Variants in MAGI2 observed in about 807,000 individuals in gnomAD.
MAGI2 encodes the protein membrane associated guanylate kinase, WW and PDZ domain containing 2.
Under a neutral mutation model 133.3 loss-of-function variants are expected in MAGI2, and 35 were observed. That is an observed-to-expected ratio of 0.26 (90% CI 0.20 to 0.35). The LOEUF (loss-of-function observed/expected upper bound fraction) is 0.35. Ranked by LOEUF, MAGI2 falls within the 10% of genes least tolerant of loss-of-function variation. MAGI2 has a pLI of 1.00. For synonymous variants in MAGI2, 729 were observed against 710.6 expected, an observed-to-expected ratio of 1.03 and a Z score of -0.41; for missense variants, 1,636 against 1,863.4, an observed-to-expected ratio of 0.88 and a Z score of 2.25.
chr7:79,167,536 T>G (rs979108203), intron 1 of MAGI2, among the ~76,000 whole-genome samples: 4 of 152,034 alleles, frequency 2.6e-5, no homozygotes, highest in African/African-American at 9.7e-5. Context: ...AAGTGTTGCC[T>G]AAACATACTA....
At chr7:78,769,166 T>G (rs1001383933) in intron 2 of MAGI2, among the ~76,000 whole-genome samples, 1 of 152,142 alleles carries the variant, frequency 6.6e-6, no homozygotes, top group African/African-American at 2.4e-5. Flanking sequence ...TCTTTTTCCT[T>G]GCACAATGGA....
chr7:79,243,397 A>G (rs1484535855), intron 1 of MAGI2, among the ~76,000 whole-genome samples: 1 of 152,172 alleles, frequency 6.6e-6, no homozygotes, highest in Non-Finnish European at 1.5e-5. Context: ...ACGCTTTCAG[A>G]AGCACTTGAT....
chr7:78,518,678 T>TA (rs1439365496), intron 4 of MAGI2: 1 of 152,218 alleles, frequency 6.6e-6, no homozygotes, highest in African/African-American at 2.4e-5. Context: ...ATTATTACTA[T>TA]AGTTAGTTGA....
At chr7:78,670,410 T>G (rs1354181975) in intron 2 of MAGI2, among the ~76,000 whole-genome samples, 2 of 152,044 alleles carry the variant, frequency 1.3e-5, no homozygotes, top group African/African-American at 2.4e-5. Context: ...CACTGTGCAA[T>G]GAAATAAAAG....
At chr7:78,594,223 TA>T (rs1804347300) in intron 3 of MAGI2, among the ~76,000 whole-genome samples, 1 of 152,236 alleles carries the variant, frequency 6.6e-6, no homozygotes, top group Non-Finnish European at 1.5e-5. Context: ...TTTGTTAAGA[TA>T]ATGTTGCCCA....
chr7:78,020,021 G>C (rs1318711603), intron 21 of MAGI2, 45 bp from the exon 22 acceptor site: 2 of 1,520,644 alleles, frequency 1.3e-6, no homozygotes, highest in African/African-American at 2.8e-5. Flanking sequence ...CACGCAGGAC[G>C]TCCCCGTGCC....
chr7:78,760,137 A>G (rs1824348003), intron 2 of MAGI2, among the ~76,000 whole-genome samples: 1 of 152,192 alleles, frequency 6.6e-6, no homozygotes, highest in Admixed American at 6.5e-5. Flanking sequence ...AAAATAAACA[A>G]ATAAGGAAAG....
At chr7:78,417,554 T>C (rs1242023157) in intron 6 of MAGI2, among the ~76,000 whole-genome samples, 1 of 152,164 alleles carries the variant, frequency 6.6e-6, no homozygotes, top group Non-Finnish European at 1.5e-5. Context: ...TTGTTTCCTA[T>C]CCAAGACCAT....
intron 3 of MAGI2, among the ~76,000 whole-genome samples, chr7:78,599,270 T>A (rs570002900): frequency 6.6e-6 from 1 of 152,320 alleles, no homozygotes; most frequent in Admixed American, 6.5e-5. Context: ...AGGCACATTT[T>A]CACCTTCATT....
intron 1 of MAGI2, among the ~76,000 whole-genome samples, chr7:79,130,776 C>G (rs575244510): frequency 4.6e-5 from 7 of 152,032 alleles, no homozygotes; most frequent in Admixed American, 6.6e-5. Context: ...TAAGTGCTTT[C>G]GATGATATTT....
intron 21 of MAGI2, among the ~76,000 whole-genome samples, chr7:78,023,380 C>CTCCT (rs1369477081): frequency 1.3e-5 from 2 of 152,162 alleles, no homozygotes; most frequent in African/African-American, 4.8e-5. Context: ...TCCTCCTTCC[C>CTCCT]TCCTTCCTTC....
chr7:78,661,649 T>C (rs561102056), intron 2 of MAGI2, among the ~76,000 whole-genome samples: 38 of 152,344 alleles, frequency 2.5e-4, no homozygotes, highest in African/African-American at 8.9e-4. Context: ...AGTGTGTAGC[T>C]GCTTAGCTGG....
intron 1 of MAGI2, among the ~76,000 whole-genome samples, chr7:79,276,896 G>A (rs1188038301): frequency 6.6e-6 from 1 of 152,020 alleles, no homozygotes; most frequent in Non-Finnish European, 1.5e-5. Context: ...GCCAAGAGGT[G>A]GAGGTTGCAG....
At chr7:78,186,225 A>T (rs994538847) in intron 12 of MAGI2, among the ~76,000 whole-genome samples, 1 of 152,190 alleles carries the variant, frequency 6.6e-6, no homozygotes, top group African/African-American at 2.4e-5. Context: ...TATAAGAATT[A>T]TGATATAATC....
chr7:79,431,139 TA>T (rs1245151566), intron 1 of MAGI2, among the ~76,000 whole-genome samples: 1 of 152,176 alleles, frequency 6.6e-6, no homozygotes, highest in Non-Finnish European at 1.5e-5. Context: ...CAAGTAATAC[TA>T]AATATAAGCT....
chr7:79,158,368 AAAG>A (rs1396465950), intron 1 of MAGI2, among the ~76,000 whole-genome samples: 1 of 152,128 alleles, frequency 6.6e-6, no homozygotes, highest in Non-Finnish European at 1.5e-5. Flanking sequence ...TACTTTAAAA[AAAG>A]ACTAGTCAAA....
intron 6 of MAGI2, among the ~76,000 whole-genome samples, chr7:78,385,727 C>T (rs964354524): frequency 5.9e-5 from 9 of 152,086 alleles, no homozygotes; most frequent in Admixed American, 4.6e-4. Flanking sequence ...GTATAGTGAA[C>T]GTTGACTTGA....
At chr7:78,842,707 A>G (rs1563569875) in intron 2 of MAGI2, among the ~76,000 whole-genome samples, 1 of 151,904 alleles carries the variant, frequency 6.6e-6, no homozygotes, top group East Asian at 1.9e-4. Flanking sequence ...CTATATGCTT[A>G]TGGTGTCAAT....
intron 15 of MAGI2, among the ~76,000 whole-genome samples, chr7:78,160,776 C>T (rs905732760): frequency 9.2e-5 from 14 of 152,272 alleles, no homozygotes; most frequent in East Asian, 1.9e-4. Flanking sequence ...GGCTACACTT[C>T]GAGAAATGCT....
Sources: gnomAD v4.1 joint callset for allele counts (sites outside exome capture counted in the v4.1 genomes callset) on GRCh38, gnomAD v4.1.1 for gene constraint, MANE v1.5 for transcripts, NCBI Gene and HGNC (gene_info 2026-07-23, HGNC 2026-07-21) for gene names.